OPCML: variants seen among roughly 807,000 people sequenced by gnomAD.
OPCML encodes the protein opioid binding protein/cell adhesion molecule like.
Under a neutral mutation model 37.8 loss-of-function variants are expected in OPCML, and 13 were observed. That is an observed-to-expected ratio of 0.34 (90% CI 0.22 to 0.55). The LOEUF (loss-of-function observed/expected upper bound fraction) is 0.55, where lower values mean the gene tolerates loss of function less well. Ranked by LOEUF, OPCML falls within the 20% of genes least tolerant of loss-of-function variation. The probability of loss-of-function intolerance (pLI) is 0.91; values close to 1 mark genes in which losing one functional copy is unlikely to be tolerated. For synonymous variants in OPCML, 176 were observed against 168.8 expected (o/e 1.04, Z -0.33); for missense variants, 341 against 435.6 (o/e 0.78, Z 1.93).
At chr11:133,024,239 T>C (rs1565403193) in intron 1 of OPCML, 1 of 509,274 alleles carries the variant, frequency 2.0e-6, no homozygotes, top group Non-Finnish European at 2.5e-6. Flanking sequence ...GGCAGGTTGG[T>C]GGGGGGCTGG....
At chr11:132,671,366 G>A (rs376299923) in intron 2 of OPCML, among the ~76,000 whole-genome samples, 5 of 152,076 alleles carry the variant, frequency 3.3e-5, no homozygotes, top group African/African-American at 1.2e-4. Context: ...GCCATGAAAA[G>A]CCCAGAGAGA....
intron 1 of OPCML, among the ~76,000 whole-genome samples, chr11:133,099,443 T>C (rs4937748): frequency 2.7e-5 from 1 of 36,798 alleles, no homozygotes; most frequent in Non-Finnish European, 7.6e-5. Flanking sequence ...TCTTTTTTTC[T>C]TTTTTTTTTT....
chr11:133,021,562 C>T (rs192000696), intron 1 of OPCML, among the ~76,000 whole-genome samples: 67 of 128,420 alleles, frequency 5.2e-4, no homozygotes, highest in African/African-American at 1.9e-3. Context: ...AGGGAGTACA[C>T]GGCTTCCTCC....
intron 3 of OPCML, among the ~76,000 whole-genome samples, chr11:132,550,389 C>T (rs114240809): frequency 6.4e-4 from 98 of 152,222 alleles, no homozygotes; most frequent in Middle Eastern, 6.8e-3. Context: ...TGAGTTCTCA[C>T]GAGATCTGGT....
chr11:133,434,722 G>T (rs1458342108), intron 1 of OPCML, among the ~76,000 whole-genome samples: 1 of 149,076 alleles, frequency 6.7e-6, no homozygotes, highest in African/African-American at 2.5e-5. Context: ...TCTACTGTTG[G>T]TAATATAAAT....
chr11:133,051,544 C>A (rs370464220), intron 1 of OPCML, among the ~76,000 whole-genome samples: 1 of 152,116 alleles, frequency 6.6e-6, no homozygotes, highest in Admixed American at 6.5e-5. Flanking sequence ...TGTTTTTTAG[C>A]CCTCTACCAT....
intron 1 of OPCML, among the ~76,000 whole-genome samples, chr11:133,058,703 C>T (rs1948286241): frequency 6.6e-6 from 1 of 152,214 alleles, no homozygotes; most frequent in Non-Finnish European, 1.5e-5. Flanking sequence ...CTCCTCTGTG[C>T]TTCTCGGCAC....
In OPCML at chr11:133,382,950, G is replaced by A. The variant is rs550584259; in HGVS notation, c.61+149314C>T. Among the ~76,000 whole-genome samples the A allele has an allele frequency of 3.9e-5, 6 of 152,296 alleles. No homozygotes were observed. The South Asian group carries it at 1.2e-3, about 32-fold the overall frequency. On this transcript the variant is annotated intron_variant, in intron 1 of 7. Coordinates refer to ENST00000524381, the MANE Select transcript of OPCML (RefSeq NM_001012393.5). ...CCTTGAATTTGGAGCACAGGGCCCA[G>A]GTCACAGAGTAATGGCACAGACATG... is the stretch of plus-strand genomic sequence containing the variant.
chr11:133,313,755 G>A (rs374336498), intron 1 of OPCML, among the ~76,000 whole-genome samples: 3 of 152,116 alleles, frequency 2.0e-5, no homozygotes, highest in Non-Finnish European at 2.9e-5. Flanking sequence ...CCATCCTACC[G>A]ACACCCTGAT....
intron 2 of OPCML, among the ~76,000 whole-genome samples, chr11:132,817,572 C>A (rs1028321836): frequency 6.6e-6 from 1 of 152,110 alleles, no homozygotes; most frequent in Non-Finnish European, 1.5e-5. Context: ...TATGCCTATG[C>A]TTCAGAGGTG....
intron 2 of OPCML, among the ~76,000 whole-genome samples, chr11:132,688,250 A>C (rs192132864): frequency 3.3e-5 from 5 of 152,306 alleles, no homozygotes; most frequent in Admixed American, 2.0e-4. Context: ...GTCAAAACAC[A>C]ACATATTCTT....
At chr11:132,508,521 G>C (rs945894205) in intron 4 of OPCML, among the ~76,000 whole-genome samples, 2 of 152,042 alleles carry the variant, frequency 1.3e-5, no homozygotes, top group Non-Finnish European at 1.5e-5. Context: ...GTTATGGTTT[G>C]GCCATGTCCC....
intron 1 of OPCML, among the ~76,000 whole-genome samples, chr11:133,185,338 T>C (rs1938022705): frequency 6.6e-6 from 1 of 152,216 alleles, no homozygotes; most frequent in Non-Finnish European, 1.5e-5. Flanking sequence ...ATCAACACCA[T>C]AATAGCAGTC....
chr11:132,486,866 A>G (rs1295177642), intron 4 of OPCML, among the ~76,000 whole-genome samples: 1 of 152,194 alleles, frequency 6.6e-6, no homozygotes, highest in Non-Finnish European at 1.5e-5. Context: ...TGAAGCAATT[A>G]AAATTTGGGT....
chr11:133,180,420 T>A (rs1480783386), intron 1 of OPCML, among the ~76,000 whole-genome samples: 1 of 152,002 alleles, frequency 6.6e-6, no homozygotes, highest in Non-Finnish European at 1.5e-5. Flanking sequence ...AGAACCTCCC[T>A]CCCTTTCATC....
At chr11:132,697,707 T>C (rs1173036166) in intron 2 of OPCML, among the ~76,000 whole-genome samples, 1 of 152,206 alleles carries the variant, frequency 6.6e-6, no homozygotes, top group Non-Finnish European at 1.5e-5. Flanking sequence ...ATCTTGGCTA[T>C]TGTGCACAGT....
At chr11:133,411,518 G>A (rs1225181529) in intron 1 of OPCML, among the ~76,000 whole-genome samples, 2 of 152,102 alleles carry the variant, frequency 1.3e-5, no homozygotes, top group African/African-American at 4.8e-5. Flanking sequence ...CCTAACTCTG[G>A]GGCAAGCTCA....
At chr11:133,026,516 T>A in intron 1 of OPCML, 1 of 985,428 alleles carries the variant, frequency 1.0e-6, no homozygotes, top group Non-Finnish European at 1.2e-6. Flanking sequence ...GCAGCCTTTT[T>A]CTCTTGTTTT....
At chr11:132,948,426 G>A (rs890419658) in intron 1 of OPCML, among the ~76,000 whole-genome samples, 2 of 152,216 alleles carry the variant, frequency 1.3e-5, no homozygotes, top group African/African-American at 2.4e-5. Context: ...ACGGCAGTGG[G>A]GGTGGTTCTA....
Sources: allele counts gnomAD v4.1 joint callset (sites outside exome capture counted in the v4.1 genomes callset), GRCh38; gene constraint gnomAD v4.1.1; transcripts MANE v1.5; gene names NCBI Gene and HGNC (gene_info 2026-07-23, HGNC 2026-07-21).